Variants in MSL2 observed in about 807,000 individuals in gnomAD.
MSL2 encodes MSL complex subunit 2, also known as E3 ubiquitin-protein ligase MSL2.
MSL2 carries 2 observed loss-of-function variants against 35.8 expected under a neutral mutation model. The ratio of observed to expected loss-of-function variants is 0.06; its 90% CI spans 0.02 to 0.18. MSL2 has a LOEUF of 0.18. MSL2 is among the 10% of genes least tolerant of loss of function. The pLI is 1.00. For synonymous variants in MSL2, 296 were observed against 255.7 expected, an observed-to-expected ratio of 1.16 and a Z score of -1.50; for missense variants, 523 against 706.7, an observed-to-expected ratio of 0.74 and a Z score of 2.95.
chr3:136,184,242 A>G (rs1207454365), intron 1 of MSL2, among the ~76,000 whole-genome samples: 1 of 150,132 alleles, frequency 6.7e-6, no homozygotes, highest in Non-Finnish European at 1.5e-5. Flanking sequence ...GGTGCAGTGA[A>G]CCCAGATGGT....
intron 1 of MSL2, among the ~76,000 whole-genome samples, chr3:136,156,884 A>G (rs1939543879): frequency 6.6e-6 from 1 of 152,032 alleles, no homozygotes; most frequent in Non-Finnish European, 1.5e-5. Flanking sequence ...AAATAAATAA[A>G]TTATGTTTCC....
At position 136,169,197 on chromosome 3, in the gene MSL2, G is replaced by A. The variant is rs79608099; in HGVS notation, c.143-16459C>T. 9.1e-3 allele frequency among the ~76,000 whole-genome samples: 1,177 copies of A among 129,558 alleles called. 26 individuals are homozygous for A. Among genetic ancestry groups the A allele is most frequent in the African/African-American group, 0.031 (1,069 of 34,194 alleles). The allele number at this position is 129,558 out of a possible 152,430, so 85.0% of individuals were successfully genotyped here. A position where few individuals can be genotyped will look rare whatever the true frequency, so the allele number is the denominator to read the frequency against. ...CCAGGCAAATCTTTCCTGTACCATG[G>A]GGGCATGGCTTGTTTTTGTTGTTGT... is the stretch of plus-strand genomic sequence containing the variant. On this transcript the variant is annotated intron_variant, in intron 1 of 1. Transcript: ENST00000309993.
chr3:136,190,376 C>A (rs919148160), intron 1 of MSL2, among the ~76,000 whole-genome samples: 1 of 152,044 alleles, frequency 6.6e-6, no homozygotes, highest in Non-Finnish European at 1.5e-5. Context: ...ACAGCAAGGC[C>A]ACATCTCTAC....
In MSL2 at chr3:136,155,701, T is replaced by C. The variant is rs1939498413; in HGVS notation, c.143-2963A>G. 6 of 495,828 alleles carry C rather than the reference T, an allele frequency of 1.2e-5. No individual in the cohort carries two copies. The Admixed American group carries it at 1.3e-4, about 11-fold the overall frequency. The allele number at this position is 495,828 out of a possible 1,614,324, so 30.7% of individuals were successfully genotyped here. ...ACCTGCTGCCTGAATGGGGGGAACT[T>C]GTATGCTGGGGTCCTTTTGTGCCTG... On this transcript the variant is annotated intron_variant, in intron 1 of 1. Transcript: ENST00000309993.
intron 1 of MSL2, among the ~76,000 whole-genome samples, chr3:136,168,657 T>C (rs986788182): frequency 6.6e-6 from 1 of 152,036 alleles, no homozygotes; most frequent in African/African-American, 2.4e-5. Context: ...AATACCTCGA[T>C]GACCGGTTGA....
chr3:136,194,915 T>A, intron 1 of MSL2, 57 bp downstream of exon 1: 1 of 1,609,228 alleles, frequency 6.2e-7, no homozygotes, highest in South Asian at 1.1e-5. Flanking sequence ...ACGTTACCAC[T>A]GCCCAGAAGG....
chr3:136,163,260 AATAAATATAAAT>A lies in MSL2; in HGVS notation c.143-10534_143-10523del, dbSNP rs555283083. On this transcript the variant is annotated intron_variant, in intron 1 of 1. Transcript: ENST00000309993. Reference sequence around the variant, plus strand: ...GGCAACAGAGCGAGACTCCGTCTCAAATAAATATAAATATAAATATAAATCCTGTAGCCCTAA... The same window carrying A: ...GGCAACAGAGCGAGACTCCGTCTCAAATAAATATAAATCCTGTAGCCCTAA... Among the ~76,000 whole-genome samples the A allele has an allele frequency of 1.5e-4, 23 of 152,336 alleles. No individual in the cohort carries two copies. In the East Asian group the frequency reaches 4.2e-3, roughly 28 times the overall value.
At chr3:136,184,429 G>A (rs375431729) in intron 1 of MSL2, among the ~76,000 whole-genome samples, 23 of 151,766 alleles carry the variant, frequency 1.5e-4, no homozygotes, top group South Asian at 1.5e-3. Flanking sequence ...GGTGAAACCC[G>A]TCTCTATAAA....
intron 1 of MSL2, among the ~76,000 whole-genome samples, chr3:136,175,161 T>C (rs766973537): frequency 6.6e-6 from 1 of 151,960 alleles, no homozygotes; most frequent in Non-Finnish European, 1.5e-5. Flanking sequence ...CTGACCAACA[T>C]GGTGAAACCC....
intron 1 of MSL2, among the ~76,000 whole-genome samples, chr3:136,172,367 TC>T (rs1034993967): frequency 9.2e-5 from 14 of 151,468 alleles, no homozygotes; most frequent in Admixed American, 4.0e-4. Flanking sequence ...CCTCCCATAC[TC>T]CCCCCACCCA....
In MSL2 at chr3:136,156,659, T is replaced by C. The variant is rs1173895336; in HGVS notation, c.143-3921A>G. On this transcript the variant is annotated intron_variant, in intron 1 of 1. Transcript: ENST00000309993. Reference sequence around the variant, plus strand: ...GCAGGCGGATCACGAGGTCAGGAGATTGAGACCATCCTGGCTAACACGGTG... The same window carrying C: ...GCAGGCGGATCACGAGGTCAGGAGACTGAGACCATCCTGGCTAACACGGTG... 2.0e-5 allele frequency among the ~76,000 whole-genome samples: 3 copies of C among 151,966 alleles called. No individual in the cohort carries two copies. In the East Asian group the frequency reaches 5.8e-4, roughly 30 times the overall value.
chr3:136,168,013 C>T (rs1939900540), intron 1 of MSL2, among the ~76,000 whole-genome samples: 1 of 151,846 alleles, frequency 6.6e-6, no homozygotes, highest in African/African-American at 2.4e-5. Flanking sequence ...ACATCAGAGC[C>T]TAAATTTGCT....
chr3:136,152,852 T>G, intron 1 of MSL2, 114 bp from the exon 2 acceptor site: 2 of 1,460,202 alleles, frequency 1.4e-6, no homozygotes, highest in Non-Finnish European at 1.8e-6. Flanking sequence ...TTAAACTCAC[T>G]AGACCAGATA....
At chr3:136,161,910 G>A (rs1939716237) in intron 1 of MSL2, among the ~76,000 whole-genome samples, 1 of 151,794 alleles carries the variant, frequency 6.6e-6, no homozygotes, top group African/African-American at 2.4e-5. Context: ...AGGACACAAG[G>A]GATAGGAAGG....
At chr3:136,155,576 A>G in intron 1 of MSL2, 1 of 298,884 alleles carries the variant, frequency 3.3e-6, no homozygotes, top group South Asian at 4.1e-5. Flanking sequence ...TGGCCTTCAG[A>G]GATGACAGCA....
intron 1 of MSL2, among the ~76,000 whole-genome samples, chr3:136,192,244 C>T (rs1184585222): frequency 6.6e-6 from 1 of 152,166 alleles, no homozygotes; most frequent in Non-Finnish European, 1.5e-5. Context: ...GCGATCTCGG[C>T]TCACTGCAAC....
chr3:136,165,884 C>CT (rs1267346299), intron 1 of MSL2, among the ~76,000 whole-genome samples: 23 of 151,742 alleles, frequency 1.5e-4, no homozygotes, highest in Admixed American at 2.6e-4. Context: ...AATGGGATAA[C>CT]TAAAAGAGTA....
chr3:136,181,490 G>C (rs1298397380), intron 1 of MSL2, among the ~76,000 whole-genome samples: 1 of 152,056 alleles, frequency 6.6e-6, no homozygotes, highest in African/African-American at 2.4e-5. Flanking sequence ...TTTTTCTAAA[G>C]TAACAGAAGT....
At chr3:136,194,622 C>G (rs1940783702) in intron 1 of MSL2, 1 of 288,474 alleles carries the variant, frequency 3.5e-6, no homozygotes, top group Non-Finnish European at 5.8e-6. Flanking sequence ...CACTTTTAAC[C>G]GCCGTAGGTA....
Sources: allele counts gnomAD v4.1 joint callset (sites outside exome capture counted in the v4.1 genomes callset), GRCh38; gene constraint gnomAD v4.1.1; transcripts MANE v1.5; gene names NCBI Gene and HGNC (gene_info 2026-07-23, HGNC 2026-07-21).